Variants in ARHGAP32 observed in about 807,000 individuals in gnomAD.
The protein encoded by ARHGAP32 is rho GTPase-activating protein 32.
A neutral mutation model predicts 186.5 loss-of-function variants in ARHGAP32; 51 were observed. That is an observed-to-expected ratio of 0.27 (90% CI 0.22 to 0.35). The LOEUF (loss-of-function observed/expected upper bound fraction) is 0.35. Among genes scored for constraint, ARHGAP32 ranks in the 10% least tolerant of loss-of-function variants. The probability of loss-of-function intolerance (pLI) is 1.00; values close to 1 mark genes in which losing one functional copy is unlikely to be tolerated. For synonymous variants in ARHGAP32, 950 were observed against 964.3 expected (o/e 0.99, Z 0.27); for missense variants, 2,186 against 2,623.5 (o/e 0.83, Z 3.64).
intron 6 of ARHGAP32, among the ~76,000 whole-genome samples, chr11:129,069,471 C>G (rs1940803100): frequency 1.3e-5 from 2 of 151,992 alleles, no homozygotes; most frequent in Non-Finnish European, 2.9e-5. Context: ...TTTAGCAGAA[C>G]AAGCAACCAG....
At chr11:129,244,604 A>C (rs1218796426) in intron 1 of ARHGAP32, among the ~76,000 whole-genome samples, 4 of 152,058 alleles carry the variant, frequency 2.6e-5, no homozygotes, top group Admixed American at 1.3e-4. Flanking sequence ...AATGGGATCT[A>C]ATTAAACTAA....
intron 2 of ARHGAP32, among the ~76,000 whole-genome samples, chr11:129,159,206 C>T (rs1203823084): frequency 1.3e-5 from 2 of 151,396 alleles, no homozygotes; most frequent in Non-Finnish European, 3.0e-5. Context: ...AACTAAGGAG[C>T]AGAACTGAAG....
chr11:129,103,479 G>C (rs1941959986), intron 5 of ARHGAP32, among the ~76,000 whole-genome samples: 2 of 151,910 alleles, frequency 1.3e-5, no homozygotes, highest in Admixed American at 1.3e-4. Flanking sequence ...GAATGAAGCA[G>C]AATATCTCAG....
intron 11 of ARHGAP32, among the ~76,000 whole-genome samples, chr11:129,040,472 T>G (rs1482422767): frequency 1.3e-5 from 2 of 152,188 alleles, no homozygotes; most frequent in African/African-American, 4.8e-5. Flanking sequence ...TTGTAATATA[T>G]TCTAGATATT....
chr11:129,207,684 G>A (rs1944531940), intron 1 of ARHGAP32, among the ~76,000 whole-genome samples: 1 of 151,798 alleles, frequency 6.6e-6, no homozygotes, highest in African/African-American at 2.4e-5. Context: ...CATTCTGTAG[G>A]TTGCCTCTTC....
At chr11:129,193,651 C>CATATAT (rs1944336567), upstream of ARHGAP32, among the ~76,000 whole-genome samples, 1 of 46,922 alleles carries the variant, frequency 2.1e-5, no homozygotes, top group Non-Finnish European at 4.1e-5. Context: ...TTATATAATA[C>CATATAT]ATATACAATA....
intron 18 of ARHGAP32, among the ~76,000 whole-genome samples, chr11:128,979,482 A>G (rs1458590178): frequency 6.6e-6 from 1 of 152,176 alleles, no homozygotes; most frequent in Non-Finnish European, 1.5e-5. Flanking sequence ...TAACATTATA[A>G]AACTATTAAA....
At chr11:129,004,276 A>G (rs1240316769) in intron 11 of ARHGAP32, among the ~76,000 whole-genome samples, 3 of 110,150 alleles carry the variant, frequency 2.7e-5, no homozygotes, top group Non-Finnish European at 5.4e-5. Context: ...GAATACTTTC[A>G]GATTTGTGTG....
chr11:129,187,020 C>T (rs939909947), intron 1 of ARHGAP32, among the ~76,000 whole-genome samples: 8 of 152,102 alleles, frequency 5.3e-5, no homozygotes, highest in Admixed American at 1.3e-4. Flanking sequence ...TGGACATATA[C>T]CCAAATGAAA....
chr11:129,221,222 GA>G (rs1194769055), intron 1 of ARHGAP32, among the ~76,000 whole-genome samples: 6 of 152,142 alleles, frequency 3.9e-5, no homozygotes, highest in Non-Finnish European at 7.4e-5. Flanking sequence ...GCGAAGCCAT[GA>G]AGTCTTATTT....
At chr11:129,235,113 A>G (rs960632586) in intron 1 of ARHGAP32, among the ~76,000 whole-genome samples, 1 of 152,216 alleles carries the variant, frequency 6.6e-6, no homozygotes, top group Non-Finnish European at 1.5e-5. Context: ...CACAAATACA[A>G]AAGAGAAGGC....
chr11:129,185,446 C>A (rs1944140493), intron 1 of ARHGAP32, among the ~76,000 whole-genome samples: 1 of 152,122 alleles, frequency 6.6e-6, no homozygotes, highest in Non-Finnish European at 1.5e-5. Flanking sequence ...ACACCAGGGA[C>A]TGTTGTGGGG....
At position 129,044,184 on chromosome 11, in the gene ARHGAP32, G is replaced by A. The variant is rs114262165; in HGVS notation, c.964-3175C>T. 5.6e-3 allele frequency among the ~76,000 whole-genome samples: 854 copies of A among 152,072 alleles called. 10 individuals carry two copies. Among genetic ancestry groups the A allele is most frequent in the African/African-American group, 0.019 (804 of 41,482 alleles). On this transcript the variant is annotated intron_variant, in intron 10 of 22. Transcript: ENST00000682385. The stretch of plus-strand genomic sequence containing the variant: ...AGCCTCTTTGTGTTTTAGTTTCTTC[G>A]TCTAAACATGGTAATAATAATGCCT...
chr11:129,068,118 G>A (rs901703253), intron 6 of ARHGAP32, among the ~76,000 whole-genome samples: 1 of 152,042 alleles, frequency 6.6e-6, no homozygotes. Context: ...AGTTAGTTCT[G>A]ACGATCAGCC....
intron 12 of ARHGAP32, among the ~76,000 whole-genome samples, chr11:128,992,093 A>T (rs1404316587): frequency 6.6e-6 from 1 of 152,154 alleles, no homozygotes; most frequent in Non-Finnish European, 1.5e-5. Context: ...GTGCATCATG[A>T]TTCTACCTAA....
At chr11:129,198,548 C>T (rs1944420912) in intron 1 of ARHGAP32, among the ~76,000 whole-genome samples, 1 of 152,186 alleles carries the variant, frequency 6.6e-6, no homozygotes, top group African/African-American at 2.4e-5. Context: ...ACCCCTGTCG[C>T]TTGGCTCTTA....
intron 10 of ARHGAP32, among the ~76,000 whole-genome samples, chr11:129,060,617 G>A (rs766625902): frequency 2.6e-5 from 4 of 152,086 alleles, no homozygotes; most frequent in Non-Finnish European, 5.9e-5. Flanking sequence ...TAAGAAATCA[G>A]AGCACAGATG....
chr11:129,269,808 CA>C (rs1292783635), intron 1 of ARHGAP32, among the ~76,000 whole-genome samples: 2 of 152,070 alleles, frequency 1.3e-5, no homozygotes, highest in African/African-American at 4.8e-5. Flanking sequence ...AGGGAAGAAA[CA>C]ATGTCATATA....
At chr11:129,193,725 T>TATATATTATATA (rs1944349200), upstream of ARHGAP32, among the ~76,000 whole-genome samples, 1 of 54,124 alleles carries the variant, frequency 1.8e-5, no homozygotes, top group African/African-American at 6.4e-5. Context: ...TATTATATAT[T>TATATATTATATA]ATATATAATA....
Sources: allele counts gnomAD v4.1 joint callset (sites outside exome capture counted in the v4.1 genomes callset), GRCh38; gene constraint gnomAD v4.1.1; transcripts MANE v1.5; gene names NCBI Gene and HGNC (gene_info 2026-07-23, HGNC 2026-07-21).